ARHGAP24: variants seen among roughly 807,000 people sequenced by gnomAD.
The protein encoded by ARHGAP24 is Rho GTPase activating protein 24.
A neutral mutation model predicts 76.4 loss-of-function variants in ARHGAP24; 50 were observed. That is an observed-to-expected ratio of 0.65 (90% CI 0.52 to 0.83). The LOEUF is 0.83. Among genes scored for constraint, ARHGAP24 ranks in the 40% least tolerant of loss-of-function variants. The pLI, the probability that ARHGAP24 is intolerant of heterozygous loss-of-function variation, is 0.00. For missense variants in ARHGAP24, 930 were observed against 914.2 expected (o/e 1.02, Z -0.22); for synonymous variants, 345 against 323.3 (o/e 1.07, Z -0.72).
chr4:85,871,119 T>C (rs1426810173), intron 3 of ARHGAP24, among the ~76,000 whole-genome samples: 1 of 152,160 alleles, frequency 6.6e-6, no homozygotes, highest in African/African-American at 2.4e-5. Flanking sequence ...AAGGCATGTG[T>C]ATAATTCTAT....
intron 1 of ARHGAP24, among the ~76,000 whole-genome samples, chr4:85,556,688 G>A (rs1726388187): frequency 6.6e-6 from 1 of 152,156 alleles, no homozygotes; most frequent in Non-Finnish European, 1.5e-5. Context: ...GGGGAGGTGG[G>A]GACGCATGTG....
chr4:85,547,810 ATAAT>A (rs1725977056), intron 1 of ARHGAP24, among the ~76,000 whole-genome samples: 1 of 152,162 alleles, frequency 6.6e-6, no homozygotes, highest in African/African-American at 2.4e-5. Context: ...TTGCTAAATA[ATAAT>A]TAATTTGTAA....
intron 1 of ARHGAP24, among the ~76,000 whole-genome samples, chr4:85,495,066 G>A (rs1723509670): frequency 7.4e-6 from 1 of 134,800 alleles, no homozygotes; most frequent in Non-Finnish European, 1.5e-5. Flanking sequence ...CTGCACTCCA[G>A]CCCAGGCGAC....
chr4:85,985,718 C>T (rs1739942439), intron 8 of ARHGAP24, among the ~76,000 whole-genome samples: 1 of 152,198 alleles, frequency 6.6e-6, no homozygotes, highest in African/African-American at 2.4e-5. Flanking sequence ...CAGGCATTAT[C>T]TCTCACAGGC....
intron 3 of ARHGAP24, among the ~76,000 whole-genome samples, chr4:85,756,464 A>G (rs1726498873): frequency 6.6e-6 from 1 of 152,210 alleles, no homozygotes. Context: ...TCTTCTATTT[A>G]TTACAAAAGG....
intron 2 of ARHGAP24, among the ~76,000 whole-genome samples, chr4:85,666,931 C>T (rs77330551): frequency 4.6e-5 from 7 of 152,204 alleles, no homozygotes; most frequent in South Asian, 2.1e-4. Flanking sequence ...CAGTTAGGCT[C>T]CTCAGGGGTC....
intron 3 of ARHGAP24, among the ~76,000 whole-genome samples, chr4:85,807,655 A>G (rs959599383): frequency 1.3e-5 from 2 of 152,110 alleles, no homozygotes; most frequent in Non-Finnish European, 2.9e-5. Flanking sequence ...GCCACATACT[A>G]TCCTGATGAC....
chr4:85,832,106 G>C (rs1005416495), intron 3 of ARHGAP24, among the ~76,000 whole-genome samples: 3 of 152,172 alleles, frequency 2.0e-5, no homozygotes, highest in African/African-American at 7.2e-5. Flanking sequence ...GGAAGCACCA[G>C]GGTCAGTCAG....
intron 2 of ARHGAP24, among the ~76,000 whole-genome samples, chr4:85,611,710 G>A (rs938761477): frequency 6.6e-6 from 1 of 152,142 alleles, no homozygotes; most frequent in Non-Finnish European, 1.5e-5. Flanking sequence ...TAGAAAATGT[G>A]GAGAAAGACT....
intron 2 of ARHGAP24, among the ~76,000 whole-genome samples, chr4:85,623,393 G>A (rs1578086166): frequency 6.6e-6 from 1 of 152,208 alleles, no homozygotes; most frequent in East Asian, 1.9e-4. Flanking sequence ...GTTTGTCAAA[G>A]ATCAGATAGT....
chr4:85,755,582 AAGGGTGG>A (rs1262633093), intron 3 of ARHGAP24, among the ~76,000 whole-genome samples: 4 of 151,070 alleles, frequency 2.6e-5, no homozygotes, highest in Non-Finnish European at 5.9e-5. Flanking sequence ...CTACTGACCT[AAGGGTGG>A]AGGGAATCTT....
intron 2 of ARHGAP24, among the ~76,000 whole-genome samples, chr4:85,626,857 G>T (rs968947329): frequency 6.6e-6 from 1 of 151,990 alleles, no homozygotes; most frequent in African/African-American, 2.4e-5. Flanking sequence ...CTTTCTTCTA[G>T]TTGATCGCAT....
chr4:85,619,324 A>G (rs927546902), intron 2 of ARHGAP24, among the ~76,000 whole-genome samples: 4 of 149,348 alleles, frequency 2.7e-5, no homozygotes, highest in African/African-American at 1.0e-4. Context: ...ATTGGTCTAT[A>G]TGTCTGTTTT....
intron 3 of ARHGAP24, among the ~76,000 whole-genome samples, chr4:85,805,586 A>C (rs769497344): frequency 2.6e-5 from 4 of 152,246 alleles, no homozygotes; most frequent in African/African-American, 4.8e-5. Context: ...TCTTGATCAC[A>C]AATGATTCCC....
intron 6 of ARHGAP24, among the ~76,000 whole-genome samples, chr4:85,973,739 G>A (rs907857480): frequency 6.6e-6 from 1 of 150,604 alleles, no homozygotes; most frequent in African/African-American, 2.5e-5. Context: ...TCTTCTTCAT[G>A]TGGATATACA....
At chr4:85,636,713 G>A (rs1453159742) in intron 2 of ARHGAP24, among the ~76,000 whole-genome samples, 1 of 152,008 alleles carries the variant, frequency 6.6e-6, no homozygotes, top group Admixed American at 6.6e-5. Flanking sequence ...AAATCCATCA[G>A]CCTTGTGACC....
intron 1 of ARHGAP24, among the ~76,000 whole-genome samples, chr4:85,487,265 A>C (rs1441929163): frequency 2.4e-5 from 3 of 126,516 alleles, no homozygotes; most frequent in Non-Finnish European, 4.7e-5. Flanking sequence ...TATTATATAT[A>C]AATATATATT....
intron 2 of ARHGAP24, among the ~76,000 whole-genome samples, chr4:85,695,055 C>T (rs1723819487): frequency 6.6e-6 from 1 of 152,192 alleles, no homozygotes; most frequent in Non-Finnish European, 1.5e-5. Context: ...TAGGCAAAAT[C>T]TTCAGATTTT....
chr4:85,999,757 A>G (rs1740894691), intron 9 of ARHGAP24: 1 of 152,244 alleles, frequency 6.6e-6, no homozygotes, highest in African/African-American at 2.4e-5. Context: ...TTCTACAATT[A>G]TCCAAAAGCT....
Sources: gnomAD v4.1 joint callset for allele counts (sites outside exome capture counted in the v4.1 genomes callset) on GRCh38, gnomAD v4.1.1 for gene constraint, MANE v1.5 for transcripts, NCBI Gene and HGNC (gene_info 2026-07-23, HGNC 2026-07-21) for gene names.